PTPRD: variants seen among roughly 807,000 people sequenced by gnomAD.
PTPRD encodes protein tyrosine phosphatase receptor type D.
Under a neutral mutation model 214.5 loss-of-function variants are expected in PTPRD, and 34 were observed. The observed-to-expected ratio is 0.16, with a 90% confidence interval of 0.12 to 0.21. PTPRD has a LOEUF of 0.21. PTPRD is among the 10% of genes least tolerant of loss of function. PTPRD has a pLI of 1.00. For missense variants in PTPRD, 2,545 were observed against 2,398.7 expected, an observed-to-expected ratio of 1.06 and a Z score of -1.27; for synonymous variants, 1,128 against 845.7, an observed-to-expected ratio of 1.33 and a Z score of -5.79.
intron 7 of PTPRD, among the ~76,000 whole-genome samples, chr9:9,729,518 A>G (rs968190455): frequency 1.3e-5 from 2 of 152,158 alleles, no homozygotes; most frequent in Non-Finnish European, 2.9e-5. Flanking sequence ...CCAGATATTA[A>G]TGCACACCAA....
chr9:8,850,417 T>C (rs1024172208), intron 11 of PTPRD, among the ~76,000 whole-genome samples: 1 of 152,168 alleles, frequency 6.6e-6, no homozygotes, highest in Non-Finnish European at 1.5e-5. Flanking sequence ...GAGACAGAGT[T>C]CCATGTTGAT....
At chr9:10,505,927 T>C (rs996342452) in intron 2 of PTPRD, among the ~76,000 whole-genome samples, 1 of 152,078 alleles carries the variant, frequency 6.6e-6, no homozygotes, top group Non-Finnish European at 1.5e-5. Flanking sequence ...AAGTAGAAGG[T>C]GTATGAAAAG....
At chr9:10,271,122 C>A (rs548311574) in intron 3 of PTPRD, among the ~76,000 whole-genome samples, 1 of 152,106 alleles carries the variant, frequency 6.6e-6, no homozygotes, top group South Asian at 2.1e-4. Flanking sequence ...TGGTGCCTGG[C>A]CTGGACCTAA....
intron 35 of PTPRD, among the ~76,000 whole-genome samples, chr9:8,415,793 C>T (rs2093892161): frequency 6.6e-6 from 1 of 152,062 alleles, no homozygotes; most frequent in African/African-American, 2.4e-5. Flanking sequence ...CTCAGAATGA[C>T]GGTAGCATTT....
At chr9:8,888,424 G>A (rs1291162457) in intron 11 of PTPRD, among the ~76,000 whole-genome samples, 1 of 152,100 alleles carries the variant, frequency 6.6e-6, no homozygotes, top group Non-Finnish European at 1.5e-5. Flanking sequence ...AGGTAGATAT[G>A]CTTTTCAGGC....
At chr9:9,189,563 T>G (rs1313150086) in intron 9 of PTPRD, among the ~76,000 whole-genome samples, 1 of 152,100 alleles carries the variant, frequency 6.6e-6, no homozygotes, top group Non-Finnish European at 1.5e-5. Flanking sequence ...GCTTCTATTA[T>G]GTCTTAACAC....
intron 9 of PTPRD, among the ~76,000 whole-genome samples, chr9:9,243,086 T>C (rs1358692943): frequency 3.9e-5 from 6 of 152,150 alleles, no homozygotes; most frequent in Non-Finnish European, 8.8e-5. Flanking sequence ...GCAGGTCTGT[T>C]GGAGTTTCCT....
chr9:8,504,026 C>T (rs1010459267), intron 23 of PTPRD, among the ~76,000 whole-genome samples: 4 of 152,144 alleles, frequency 2.6e-5, no homozygotes, highest in African/African-American at 9.7e-5. Flanking sequence ...ACGTCTACTA[C>T]CTTCTTTAAA....
At chr9:8,757,377 A>G (rs1022217782) in intron 11 of PTPRD, among the ~76,000 whole-genome samples, 2 of 152,258 alleles carry the variant, frequency 1.3e-5, no homozygotes, top group South Asian at 4.1e-4. Flanking sequence ...GCGTATCAAT[A>G]ATCAGCATAA....
intron 9 of PTPRD, among the ~76,000 whole-genome samples, chr9:9,370,105 G>A (rs188764647): frequency 2.4e-4 from 37 of 152,052 alleles, no homozygotes; most frequent in South Asian, 1.7e-3. Context: ...CTCTTTTTTC[G>A]TTCCATATGA....
chr9:10,258,329 T>C (rs1166927805), intron 3 of PTPRD, among the ~76,000 whole-genome samples: 1 of 151,968 alleles, frequency 6.6e-6, no homozygotes, highest in Non-Finnish European at 1.5e-5. Flanking sequence ...GGGTGAAAAA[T>C]GTTGCATTAA....
chr9:10,146,586 A>G (rs777199041), intron 3 of PTPRD, among the ~76,000 whole-genome samples: 1 of 152,162 alleles, frequency 6.6e-6, no homozygotes, highest in Non-Finnish European at 1.5e-5. Context: ...AATAGTCTTG[A>G]AAGCTAGAAT....
chr9:8,671,125 A>C (rs1427690203), intron 12 of PTPRD, among the ~76,000 whole-genome samples: 3 of 152,218 alleles, frequency 2.0e-5, no homozygotes, highest in Non-Finnish European at 4.4e-5. Context: ...GAAAGTGAAG[A>C]ATACAATTAA....
intron 10 of PTPRD, among the ~76,000 whole-genome samples, chr9:9,099,127 T>C (rs889724400): frequency 2.6e-5 from 4 of 152,202 alleles, no homozygotes; most frequent in Admixed American, 1.3e-4. Flanking sequence ...ACAAATGTGA[T>C]AAAACCTTTA....
chr9:10,363,997 T>TTG (rs769486650), intron 2 of PTPRD, among the ~76,000 whole-genome samples: 3 of 31,270 alleles, frequency 9.6e-5, no homozygotes, highest in Non-Finnish European at 1.8e-4. Context: ...TCGGGTTTTT[T>TTG]TTTTTTTTTT....
intron 2 of PTPRD, among the ~76,000 whole-genome samples, chr9:10,346,373 C>G (rs2097081994): frequency 6.6e-6 from 1 of 151,982 alleles, no homozygotes; most frequent in Non-Finnish European, 1.5e-5. Flanking sequence ...AATCAATCAA[C>G]TAGGAGGTTC....
intron 3 of PTPRD, among the ~76,000 whole-genome samples, chr9:10,115,547 G>T (rs1450020867): frequency 6.6e-6 from 1 of 152,178 alleles, no homozygotes; most frequent in East Asian, 1.9e-4. Context: ...ATGTTTTAAT[G>T]TCCAGAACTA....
chr9:8,561,305 A>G (rs753261563), intron 14 of PTPRD, among the ~76,000 whole-genome samples: 4 of 152,084 alleles, frequency 2.6e-5, no homozygotes, highest in African/African-American at 7.2e-5. Context: ...CCACACTGAG[A>G]AAAAAACCAC....
intron 14 of PTPRD, among the ~76,000 whole-genome samples, chr9:8,590,507 T>C (rs890025067): frequency 3.3e-5 from 5 of 152,166 alleles, no homozygotes; most frequent in African/African-American, 9.7e-5. Context: ...TCAAGTTTCC[T>C]GTCCTTCTCT....
Sources: gnomAD v4.1 joint callset for allele counts (sites outside exome capture counted in the v4.1 genomes callset) on GRCh38, gnomAD v4.1.1 for gene constraint, MANE v1.5 for transcripts, NCBI Gene and HGNC (gene_info 2026-07-23, HGNC 2026-07-21) for gene names.